The following G3BP1 variants were observed in gnomAD, a reference collection of about 807,000 sequenced individuals.
G3BP1 encodes the protein G3BP stress granule assembly factor 1.
A neutral mutation model predicts 58.6 loss-of-function variants in G3BP1; 35 were observed. That is an observed-to-expected ratio of 0.60 (90% CI 0.46 to 0.79). The LOEUF is 0.79. Among genes scored for constraint, G3BP1 ranks in the 30% least tolerant of loss-of-function variants. The probability of loss-of-function intolerance (pLI) is 0.00; values close to 1 mark genes in which losing one functional copy is unlikely to be tolerated. For synonymous variants in G3BP1, 191 were observed against 195.4 expected, an observed-to-expected ratio of 0.98 and a Z score of 0.19; for missense variants, 523 against 580.8, an observed-to-expected ratio of 0.90 and a Z score of 1.02.
In G3BP1 at chr5:151,790,792, C is replaced by A. The variant is rs1203958355; in HGVS notation, c.178-97C>A. On this transcript the variant is annotated intron_variant, in intron 3 of 11. Coordinates refer to ENST00000356245, the MANE Select transcript of G3BP1 (RefSeq NM_005754.3). ...ATCCTGTAATTTAAATATACACATT[C>A]TCTTTGTGTTGTGTTGGAAGGTTTT... The A allele has an allele frequency of 7.7e-5, 53 of 689,400 alleles. 1 individual carries two copies. The highest frequency in any genetic ancestry group is 3.7e-5 in the Non-Finnish European group (15 of 407,874). The allele number at this position is 689,400 out of a possible 1,614,324, so 42.7% of individuals were successfully genotyped here.
chr5:151,780,474 C>T (rs532850860), intron 1 of G3BP1, among the ~76,000 whole-genome samples: 14 of 152,176 alleles, frequency 9.2e-5, no homozygotes, highest in Admixed American at 2.0e-4. Flanking sequence ...TTTCCCTGCC[C>T]GTCTGTTAAA....
At chr5:151,786,543 G>T (rs998858097) in intron 1 of G3BP1, 29 bp from the exon 2 acceptor site, 1 of 877,926 alleles carries the variant, frequency 1.1e-6, no homozygotes, top group South Asian at 1.4e-5. Flanking sequence ...TAAATGATTC[G>T]GTCTTTTCCC....
intron 1 of G3BP1, among the ~76,000 whole-genome samples, chr5:151,777,444 T>G (rs1762392546): frequency 6.6e-6 from 1 of 152,242 alleles, no homozygotes; most frequent in African/African-American, 2.4e-5. Context: ...ACTCCTTTTT[T>G]TCTATACGGG....
At chr5:151,779,245 A>G (rs1033945271) in intron 1 of G3BP1, among the ~76,000 whole-genome samples, 3 of 152,174 alleles carry the variant, frequency 2.0e-5, no homozygotes, top group Non-Finnish European at 4.4e-5. Flanking sequence ...ATCTTTGCTT[A>G]GTGTCATGCA....
At chr5:151,776,740 A>G (rs1382252428) in intron 1 of G3BP1, among the ~76,000 whole-genome samples, 6 of 150,878 alleles carry the variant, frequency 4.0e-5, no homozygotes, top group African/African-American at 1.5e-4. Flanking sequence ...CTTATTTTTG[A>G]TTATTATTTA....
rs533812321 is a variant in G3BP1, at chr5:151,802,769, T to C, written c.1195-1116T>C. Among the ~76,000 whole-genome samples the C allele has an allele frequency of 1.8e-4, 28 of 152,220 alleles. No homozygotes were observed. In the South Asian group the frequency reaches 5.8e-3, roughly 32 times the overall value. ...TAACACGGTGAAACCCCGTCTCTACTAAAAATACAAAAAATTAGCTGGGTG... is the reference window on the plus strand; with the variant it reads ...TAACACGGTGAAACCCCGTCTCTACCAAAAATACAAAAAATTAGCTGGGTG... On this transcript the variant is annotated intron_variant, in intron 11 of 11. Coordinates refer to ENST00000356245, the MANE Select transcript of G3BP1 (RefSeq NM_005754.3).
chr5:151,778,822 C>T (rs1349763864), intron 1 of G3BP1, among the ~76,000 whole-genome samples: 4 of 151,576 alleles, frequency 2.6e-5, no homozygotes, highest in East Asian at 2.0e-4. Context: ...TTTGGGAGGC[C>T]GAGGCAGGTG....
chr5:151,774,961 G>T (rs1488479782), intron 1 of G3BP1, among the ~76,000 whole-genome samples: 1 of 152,080 alleles, frequency 6.6e-6, no homozygotes, highest in Non-Finnish European at 1.5e-5. Flanking sequence ...TGGACATCCT[G>T]TCTGTCTTTA....
intron 4 of G3BP1, 101 bp from the exon 5 acceptor site, chr5:151,794,058 T>C (rs1043024471): frequency 5.6e-6 from 4 of 708,306 alleles, no homozygotes; most frequent in Non-Finnish European, 1.0e-5. Flanking sequence ...TATTGCCAGA[T>C]GTCTCATGGA....
chr5:151,802,074 C>T (rs1762864281), intron 11 of G3BP1, among the ~76,000 whole-genome samples: 1 of 152,214 alleles, frequency 6.6e-6, no homozygotes, highest in African/African-American at 2.4e-5. Flanking sequence ...ACCTTGGCCT[C>T]CCAAAGTGCT....
At chr5:151,794,280 C>A in intron 5 of G3BP1, 31 bp downstream of exon 5, 1 of 1,356,298 alleles carries the variant, frequency 7.4e-7, no homozygotes, top group Non-Finnish European at 1.1e-6. Flanking sequence ...AATTACTTGT[C>A]TAAATTTTTT....
At chr5:151,779,202 CT>C (rs756977216) in intron 1 of G3BP1, among the ~76,000 whole-genome samples, 3 of 152,120 alleles carry the variant, frequency 2.0e-5, no homozygotes, top group Admixed American at 6.5e-5. Flanking sequence ...GATCAATTCG[CT>C]TTCTTCTTCA....
At chr5:151,786,168 A>T (rs1170742662) in intron 1 of G3BP1, among the ~76,000 whole-genome samples, 2 of 152,198 alleles carry the variant, frequency 1.3e-5, no homozygotes, top group Non-Finnish European at 2.9e-5. Context: ...GCTTGCCAGT[A>T]GTCCCAGCTA....
At chr5:151,784,768 C>T (rs2113225564) in intron 1 of G3BP1, among the ~76,000 whole-genome samples, 1 of 151,830 alleles carries the variant, frequency 6.6e-6, no homozygotes, top group East Asian at 1.9e-4. Context: ...CTACTGTTTC[C>T]CTTGAGCTCT....
chr5:151,803,371 A>G (rs1381924447), intron 11 of G3BP1, among the ~76,000 whole-genome samples: 2 of 152,058 alleles, frequency 1.3e-5, no homozygotes, highest in African/African-American at 4.8e-5. Context: ...ACCTTGGCTC[A>G]CCACAACTTC....
At chr5:151,775,846 G>A (rs1048418127) in intron 1 of G3BP1, among the ~76,000 whole-genome samples, 1 of 152,202 alleles carries the variant, frequency 6.6e-6, no homozygotes, top group Non-Finnish European at 1.5e-5. Flanking sequence ...TCTGATTCCT[G>A]AAGTTTTTTT....
At chr5:151,795,631 C>T (rs967438337) in intron 6 of G3BP1, 56 bp downstream of exon 6, 1 of 803,384 alleles carries the variant, frequency 1.2e-6, no homozygotes, top group African/African-American at 1.7e-5. Flanking sequence ...ATTGTCTAGT[C>T]TTTCCCTTTG....
At chr5:151,800,906 TTTA>T in intron 11 of G3BP1, 37 bp downstream of exon 11, 3 of 1,060,736 alleles carry the variant, frequency 2.8e-6, no homozygotes, top group Non-Finnish European at 4.3e-6. Context: ...TTTTTTTTTT[TTTA>T]AAAAGGGTTT....
At chr5:151,792,596 T>C (rs1762678196) in intron 4 of G3BP1, among the ~76,000 whole-genome samples, 1 of 152,214 alleles carries the variant, frequency 6.6e-6, no homozygotes, top group Admixed American at 6.5e-5. Context: ...GAGGTATATG[T>C]TGATATCTTT....
Sources: gnomAD v4.1 joint callset for allele counts (sites outside exome capture counted in the v4.1 genomes callset) on GRCh38, gnomAD v4.1.1 for gene constraint, MANE v1.5 for transcripts, NCBI Gene and HGNC (gene_info 2026-07-23, HGNC 2026-07-21) for gene names.